SEM1: variants seen among roughly 807,000 people sequenced by gnomAD.
SEM1 encodes the protein SEM1 26S proteasome subunit, also known as 26S proteasome complex subunit SEM1.
Under a neutral mutation model 12.7 loss-of-function variants are expected in SEM1, and 3 were observed. The observed-to-expected ratio is 0.24, with a 90% CI of 0.11 to 0.61. The LOEUF (loss-of-function observed/expected upper bound fraction) is 0.61. SEM1 is among the 20% of genes least tolerant of loss of function. The pLI is 0.88. For synonymous variants in SEM1, 30 were observed against 27.8 expected, an observed-to-expected ratio of 1.08 and a Z score of -0.25; for missense variants, 59 against 81.3, an observed-to-expected ratio of 0.73 and a Z score of 1.06.
At chr7:96,547,571 A>G (rs957646207) in intron 2 of SEM1, among the ~76,000 whole-genome samples, 10 of 152,168 alleles carry the variant, frequency 6.6e-5, no homozygotes, top group Admixed American at 6.5e-4. Flanking sequence ...AGCAGTTCCT[A>G]AGTGAGTCAT....
intron 2 of SEM1, among the ~76,000 whole-genome samples, chr7:96,563,990 A>C (rs1805770027): frequency 6.6e-6 from 1 of 152,096 alleles, no homozygotes; most frequent in Non-Finnish European, 1.5e-5. Flanking sequence ...TATTAGCCTC[A>C]TGCAGTGAGT....
intron 1 of SEM1, 145 bp downstream of exon 1, chr7:96,709,543 G>A (rs1790582381): frequency 4.0e-6 from 3 of 741,214 alleles, no homozygotes; most frequent in Non-Finnish European, 6.9e-6. Context: ...GCCACTGAGG[G>A]GTGAGCGTTA....
At chr7:96,527,691 G>A (rs1054817275) in intron 2 of SEM1, among the ~76,000 whole-genome samples, 8 of 152,190 alleles carry the variant, frequency 5.3e-5, no homozygotes, top group Middle Eastern at 3.4e-3. Flanking sequence ...AATTCACATC[G>A]TTATCATTGT....
intron 1 of SEM1, among the ~76,000 whole-genome samples, chr7:96,489,794 T>G (rs1427691612): frequency 1.3e-5 from 2 of 152,190 alleles, no homozygotes; most frequent in Non-Finnish European, 2.9e-5. Flanking sequence ...AGTCTCTGCC[T>G]CCGCCTTCAC....
intron 2 of SEM1, among the ~76,000 whole-genome samples, chr7:96,562,032 C>T (rs1032928781): frequency 2.6e-5 from 4 of 152,336 alleles, no homozygotes; most frequent in Admixed American, 6.5e-5. Flanking sequence ...AGTGAACACA[C>T]ATTCTAGGTC....
At chr7:96,666,196 C>T (rs989711727) in intron 2 of SEM1, among the ~76,000 whole-genome samples, 4 of 152,182 alleles carry the variant, frequency 2.6e-5, no homozygotes, top group African/African-American at 9.7e-5. Flanking sequence ...AAAGTTTTCC[C>T]AGTGTATGCA....
At chr7:96,678,635 C>G (rs1789515640) in intron 2 of SEM1, among the ~76,000 whole-genome samples, 1 of 152,068 alleles carries the variant, frequency 6.6e-6, no homozygotes, top group Non-Finnish European at 1.5e-5. Context: ...TGCCTAGAGC[C>G]TCATACTCAC....
chr7:96,540,699 G>A (rs1384453565), intron 2 of SEM1, among the ~76,000 whole-genome samples: 1 of 151,764 alleles, frequency 6.6e-6, no homozygotes, highest in South Asian at 2.1e-4. Flanking sequence ...GAGGTTTGAG[G>A]TACGGATGAT....
chr7:96,624,917 T>C (rs1808009808), intron 2 of SEM1, among the ~76,000 whole-genome samples: 1 of 152,218 alleles, frequency 6.6e-6, no homozygotes, highest in African/African-American at 2.4e-5. Flanking sequence ...TCAGCCCATT[T>C]CTTAGCCATA....
intron 1 of SEM1, among the ~76,000 whole-genome samples, chr7:96,495,451 G>A (rs1803203431): frequency 6.6e-6 from 1 of 152,058 alleles, no homozygotes; most frequent in African/African-American, 2.4e-5. Flanking sequence ...TGTATTTTGA[G>A]GACTCCTGAT....
chr7:96,641,139 G>A (rs1361736959), intron 2 of SEM1, among the ~76,000 whole-genome samples: 1 of 149,314 alleles, frequency 6.7e-6, no homozygotes, highest in Non-Finnish European at 1.5e-5. Context: ...AAAATAGGGA[G>A]CCGAAAAAAA....
At chr7:96,557,070 G>A (rs1805531204) in intron 2 of SEM1, among the ~76,000 whole-genome samples, 2 of 143,760 alleles carry the variant, frequency 1.4e-5, no homozygotes, top group African/African-American at 2.5e-5. Flanking sequence ...CTCTGTATTG[G>A]TTATTCTAGT....
At chr7:96,632,651 A>G (rs1303054488) in intron 2 of SEM1, among the ~76,000 whole-genome samples, 1 of 152,102 alleles carries the variant, frequency 6.6e-6, no homozygotes. Flanking sequence ...GTGTATACCT[A>G]TGTAACGAAC....
chr7:96,564,402 T>G (rs1215606294), intron 2 of SEM1, among the ~76,000 whole-genome samples: 1 of 151,934 alleles, frequency 6.6e-6, no homozygotes, highest in East Asian at 1.9e-4. Flanking sequence ...GATTTTTAGT[T>G]GGTGATGCCA....
intron 2 of SEM1, among the ~76,000 whole-genome samples, chr7:96,547,909 G>C (rs560744089): frequency 1.2e-4 from 19 of 152,130 alleles, no homozygotes; most frequent in African/African-American, 3.9e-4. Flanking sequence ...TGTAAAGATT[G>C]GTGACCAGGC....
chr7:96,486,267 T>G, exon 2 of SEM1: 4 of 1,537,182 alleles, frequency 2.6e-6, no homozygotes, highest in Non-Finnish European at 3.5e-6. Flanking sequence ...ATCTGTTGCT[T>G]TGCAAAGGCC....
chr7:96,626,967 G>C (rs947920856), intron 2 of SEM1, among the ~76,000 whole-genome samples: 2 of 151,956 alleles, frequency 1.3e-5, no homozygotes, highest in African/African-American at 4.8e-5. Flanking sequence ...TTCATTACTT[G>C]TTATTGGTCT....
chr7:96,617,720 C>T (rs201063088), downstream of SEM1, among the ~76,000 whole-genome samples: 1 of 152,022 alleles, frequency 6.6e-6, no homozygotes, highest in East Asian at 1.9e-4. Flanking sequence ...TCTTCTATGC[C>T]TAGTTTGTTG....
At chr7:96,667,600 T>C (rs560640703) in intron 2 of SEM1, among the ~76,000 whole-genome samples, 2 of 152,020 alleles carry the variant, frequency 1.3e-5, no homozygotes, top group African/African-American at 4.8e-5. Context: ...TGGAGGTTCA[T>C]TCAGGGATGT....
Sources: allele counts gnomAD v4.1 joint callset (sites outside exome capture counted in the v4.1 genomes callset), GRCh38; gene constraint gnomAD v4.1.1; transcripts MANE v1.5; gene names NCBI Gene and HGNC (gene_info 2026-07-23, HGNC 2026-07-21).